Variants in TNFSF8 observed in about 807,000 individuals in gnomAD.
TNFSF8 encodes the protein tumor necrosis factor ligand superfamily member 8.
Under a neutral mutation model 22.0 loss-of-function variants are expected in TNFSF8, and 4 were observed. The observed-to-expected ratio is 0.18, with a 90% confidence interval of 0.09 to 0.42. TNFSF8 has a LOEUF of 0.42. Among genes scored for constraint, TNFSF8 ranks in the 10% least tolerant of loss-of-function variants. The pLI, the probability that TNFSF8 is intolerant of heterozygous loss-of-function variation, is 1.00. For synonymous variants in TNFSF8, 106 were observed against 112.5 expected (o/e 0.94, Z 0.37); for missense variants, 233 against 281.8 (o/e 0.83, Z 1.24).
At chr9:114,910,901 T>G (rs1411122381) in intron 2 of TNFSF8, among the ~76,000 whole-genome samples, 1 of 152,166 alleles carries the variant, frequency 6.6e-6, no homozygotes, top group Non-Finnish European at 1.5e-5. Flanking sequence ...AGCTTTTAGC[T>G]CTGGATCTGT....
chr9:114,925,486 A>G (rs921758719), intron 1 of TNFSF8, among the ~76,000 whole-genome samples: 2 of 152,114 alleles, frequency 1.3e-5, no homozygotes, highest in Admixed American at 1.3e-4. Context: ...ACACCCATTC[A>G]GACGTGTCTG....
chr9:114,893,763 G>A (rs1225129406), exon 5 of TNFSF8: 4 of 258,032 alleles, frequency 1.6e-5, no homozygotes, highest in Non-Finnish European at 3.0e-5. Context: ...TGGGAGTGGG[G>A]TTTTCCCCTG....
At chr9:114,909,039 TA>T (rs1827820409) in intron 2 of TNFSF8, among the ~76,000 whole-genome samples, 1 of 152,130 alleles carries the variant, frequency 6.6e-6, no homozygotes. Flanking sequence ...AGACGTACAC[TA>T]AAAACACCTA....
At chr9:114,895,550 A>G (rs1014816768) in intron 4 of TNFSF8, among the ~76,000 whole-genome samples, 3 of 152,126 alleles carry the variant, frequency 2.0e-5, no homozygotes, top group African/African-American at 7.2e-5. Flanking sequence ...ACTTGCATTG[A>G]TTCATTTTTT....
At position 114,930,238 on chromosome 9, in the gene TNFSF8, C is replaced by T. The variant is rs1215409132; in HGVS notation, c.66G>A (p.Val22=). 1 of 1,607,600 alleles carries T rather than the reference C, an allele frequency of 6.2e-7. No homozygotes were observed. Among genetic ancestry groups the T allele is most frequent in the South Asian group, 1.1e-5 (1 of 90,278 alleles). Residue 22 remains valine (V), a synonymous_variant, in exon 1 of 4, where the codon GTG becomes GTA. Transcript: ENST00000223795. ...MAPPGDTAMH[V]PAGSVASHLG... ...GGTGGCTGGCCACGGAGCCCGCCGG[C>T]ACATGCATGGCTGTGTCTCCAGGAG...
At chr9:114,926,542 T>G (rs1828062588) in intron 1 of TNFSF8, among the ~76,000 whole-genome samples, 1 of 152,198 alleles carries the variant, frequency 6.6e-6, no homozygotes, top group Non-Finnish European at 1.5e-5. Context: ...CATTGATGTC[T>G]CTCACCAGGC....
rs1174060402 is a variant in TNFSF8, at chr9:114,930,513, T to C, written c.-210A>G. ...GGGTGGGGGAGAGGTTCATTTTTCA[T>C]TGCCAGGGATTAAGTTGTGTGCAGA... On this transcript the variant is annotated 5_prime_UTR_variant, in exon 1 of 4. It removes an upstream start codon present in the reference 5' UTR. Transcript: ENST00000223795. The C allele has an allele frequency of 1.1e-5, 5 of 434,974 alleles. No homozygotes were observed. Among genetic ancestry groups the C allele is most frequent in the Middle Eastern group, 5.8e-4 (1 of 1,710 alleles). 26.9% of individuals were successfully genotyped at this position (434,974 alleles called of 1,614,324 possible).
downstream of TNFSF8, among the ~76,000 whole-genome samples, chr9:114,896,932 A>G (rs1827661541): frequency 6.6e-6 from 1 of 150,910 alleles, no homozygotes; most frequent in Non-Finnish European, 1.5e-5. Flanking sequence ...ATTGAGTTTC[A>G]CTCTTGTTGC....
At chr9:114,907,260 G>C (rs1827796249) in intron 2 of TNFSF8, among the ~76,000 whole-genome samples, 2 of 152,078 alleles carry the variant, frequency 1.3e-5, no homozygotes, top group South Asian at 2.1e-4. Context: ...AGAGCTTCTG[G>C]TCCAAAGCTC....
At position 114,905,917 on chromosome 9, in the gene TNFSF8, A is replaced by G; in HGVS notation, c.239-18T>C. The G allele has an allele frequency of 1.3e-6, 2 of 1,566,154 alleles. No homozygotes were observed. Among genetic ancestry groups the G allele is most frequent in the Non-Finnish European group, 1.8e-6 (2 of 1,137,674 alleles). On this transcript the variant is annotated intron_variant, in intron 2 of 3. Transcript: ENST00000223795. ...GCAATTTCCTAAAAATAAGGAGACGATGCATTAAAATGTCTTTTGCCGTTT... is the reference window on the plus strand; with the variant it reads ...GCAATTTCCTAAAAATAAGGAGACGGTGCATTAAAATGTCTTTTGCCGTTT...
At chr9:114,928,035 A>G (rs982823300) in intron 1 of TNFSF8, among the ~76,000 whole-genome samples, 2 of 152,120 alleles carry the variant, frequency 1.3e-5, no homozygotes, top group African/African-American at 4.8e-5. Context: ...TGATATGTGC[A>G]ATGCATTTGA....
chr9:114,922,545 T>C (rs752703758), intron 1 of TNFSF8, among the ~76,000 whole-genome samples: 3 of 152,218 alleles, frequency 2.0e-5, no homozygotes, highest in African/African-American at 7.2e-5. Context: ...ATAATGTTTA[T>C]AGAAGGTCCC....
chr9:114,917,360 G>C (rs1210013815), intron 2 of TNFSF8, among the ~76,000 whole-genome samples: 1 of 152,204 alleles, frequency 6.6e-6, no homozygotes, highest in Non-Finnish European at 1.5e-5. Flanking sequence ...CTGGGTTCTA[G>C]GCTTGGCTTT....
chr9:114,906,441 C>T (rs1827787018), intron 2 of TNFSF8, among the ~76,000 whole-genome samples: 1 of 152,212 alleles, frequency 6.6e-6, no homozygotes, highest in Non-Finnish European at 1.5e-5. Context: ...TAATCTAGTT[C>T]TCAGACTAAT....
chr9:114,894,259 G>A (rs966488912), intron 4 of TNFSF8: 26 of 1,016,590 alleles, frequency 2.6e-5, no homozygotes, highest in Middle Eastern at 2.0e-4. Flanking sequence ...AGTTTAGCAG[G>A]GAGGCAAATG....
At chr9:114,896,378 A>C (rs569773128), downstream of TNFSF8, among the ~76,000 whole-genome samples, 3 of 152,320 alleles carry the variant, frequency 2.0e-5, no homozygotes, top group Admixed American at 2.0e-4. Context: ...TGGGTTCTAA[A>C]TCCAGAGATT....
intron 1 of TNFSF8, among the ~76,000 whole-genome samples, chr9:114,928,849 T>A (rs1051409359): frequency 2.0e-5 from 3 of 152,256 alleles, no homozygotes; most frequent in Non-Finnish European, 2.9e-5. Context: ...CAAAGCTTGA[T>A]GACACTTGAG....
chr9:114,906,014 T>C (rs1827780933), intron 2 of TNFSF8, 115 bp from the exon 3 acceptor site: 3 of 692,636 alleles, frequency 4.3e-6, no homozygotes, highest in Non-Finnish European at 7.5e-6. Context: ...TTTTCCATTT[T>C]CAGAATAAGG....
intron 1 of TNFSF8, among the ~76,000 whole-genome samples, chr9:114,922,327 T>C (rs766501483): frequency 8.4e-4 from 128 of 152,276 alleles, no homozygotes; most frequent in Admixed American, 1.0e-3. Flanking sequence ...AAGTCCACAT[T>C]CCTTTCCTTG....
Sources: gnomAD v4.1 joint callset for allele counts (sites outside exome capture counted in the v4.1 genomes callset) on GRCh38, gnomAD v4.1.1 for gene constraint, MANE v1.5 for transcripts, NCBI Gene and HGNC (gene_info 2026-07-23, HGNC 2026-07-21) for gene names.